GALNT14: variants seen among roughly 807,000 people sequenced by gnomAD.
The protein encoded by GALNT14 is UDP-GalNAc:polypeptide N-acetylgalactosaminyltransferase 14.
In GALNT14, 60 loss-of-function variants were observed where a neutral mutation model predicts 77.5. The ratio of observed to expected loss-of-function variants is 0.77; its 90% CI spans 0.63 to 0.96. GALNT14 has a LOEUF of 0.96. Ranked by LOEUF, GALNT14 falls within the 40% of genes least tolerant of loss-of-function variation. The pLI is 0.00. For synonymous variants in GALNT14, 280 were observed against 281.7 expected (o/e 0.99, Z 0.06); for missense variants, 710 against 731.0 (o/e 0.97, Z 0.33).
chr2:30,911,199 A>G, intron 14 of GALNT14, 140 bp from the exon 15 acceptor site: 1 of 679,678 alleles, frequency 1.5e-6, no homozygotes, highest in South Asian at 2.2e-5. Flanking sequence ...CTAAAACTGC[A>G]ACTAATTGCT....
intron 1 of GALNT14, among the ~76,000 whole-genome samples, chr2:31,045,531 C>T (rs192312550): frequency 8.1e-4 from 124 of 152,296 alleles, no homozygotes; most frequent in Non-Finnish European, 1.5e-3. Context: ...GGCGCAACCT[C>T]GGCTCACTGC....
At chr2:31,111,389 T>A (rs1268102261) in intron 1 of GALNT14, among the ~76,000 whole-genome samples, 1 of 152,238 alleles carries the variant, frequency 6.6e-6, no homozygotes, top group Non-Finnish European at 1.5e-5. Context: ...ACACAGCAGA[T>A]GTTTGCTAAA....
At chr2:30,903,200 AATG>A in the GALNT14 span, among the ~76,000 whole-genome samples, 3 of 152,220 alleles carry the variant, frequency 2.0e-5, no homozygotes. Flanking sequence ...TGGATTTTAT[AATG>A]ATGACCTTGA....
chr2:30,924,247 A>G lies in GALNT14; in HGVS notation c.1252T>C (p.Ser418Pro). The G allele has an allele frequency of 1.2e-6, 2 of 1,614,160 alleles. No homozygotes were observed. The change falls in exon 13 of 15, where the codon TCC (serine) becomes CCC (proline). Residue 418 changes from serine (S) to proline (P), a missense_variant. By Grantham distance (74) the Ser-to-Pro change is moderately conservative. Transcript: ENST00000349752. Reference protein sequence around the residue: ...YPELSIPKESSIQKGNIRQRQ... With the variant: ...YPELSIPKESPIQKGNIRQRQ... ...TGTCGGATATTGCCCTTCTGGATGG[A>G]GGACTCCTTGGGGATGCTGGAGGAG...
intron 1 of GALNT14, among the ~76,000 whole-genome samples, chr2:31,076,335 T>G (rs997470760): frequency 3.3e-5 from 5 of 152,150 alleles, no homozygotes; most frequent in Non-Finnish European, 5.9e-5. Flanking sequence ...CAAGAGGACG[T>G]AGCTCCTAAG....
At chr2:31,093,599 G>A (rs747486997) in intron 1 of GALNT14, among the ~76,000 whole-genome samples, 14 of 152,286 alleles carry the variant, frequency 9.2e-5, no homozygotes, top group Admixed American at 5.2e-4. Flanking sequence ...TGCACACATC[G>A]CACTTGCTTC....
intron 1 of GALNT14, among the ~76,000 whole-genome samples, chr2:30,993,293 T>C (rs1260249351): frequency 6.6e-6 from 1 of 152,184 alleles, no homozygotes; most frequent in Non-Finnish European, 1.5e-5. Flanking sequence ...ATGAGAGGGA[T>C]GCTGTGCATA....
chr2:30,938,108 C>T (rs1324277004), intron 9 of GALNT14, among the ~76,000 whole-genome samples: 1 of 149,166 alleles, frequency 6.7e-6, no homozygotes, highest in African/African-American at 2.5e-5. Flanking sequence ...TCCCTGACTA[C>T]ATTCTGGGAC....
At chr2:30,889,065 C>T in the GALNT14 span, among the ~76,000 whole-genome samples, 1 of 152,128 alleles carries the variant, frequency 6.6e-6, no homozygotes, top group African/African-American at 2.4e-5. Flanking sequence ...GGACTCCTCC[C>T]TGTCACCACC....
intron 1 of GALNT14, among the ~76,000 whole-genome samples, chr2:31,118,230 GTTAT>G (rs917659011): frequency 3.3e-5 from 5 of 152,270 alleles, no homozygotes; most frequent in Admixed American, 1.3e-4. Context: ...ATCGGCGAAA[GTTAT>G]TTAAACTATT....
intron 2 of GALNT14, among the ~76,000 whole-genome samples, chr2:30,975,362 G>C (rs1000218199): frequency 3.3e-5 from 5 of 152,256 alleles, no homozygotes; most frequent in Non-Finnish European, 2.9e-5. Flanking sequence ...CATGCATTAT[G>C]CAGTAGGGCA....
intron 11 of GALNT14, among the ~76,000 whole-genome samples, chr2:30,925,165 TGGGC>T (rs1665294116): frequency 1.3e-5 from 2 of 152,346 alleles, no homozygotes; most frequent in South Asian, 4.1e-4. Flanking sequence ...GCTGGGGCTC[TGGGC>T]CTGCTTATTC....
At chr2:31,106,953 A>G (rs1161060660) in intron 1 of GALNT14, among the ~76,000 whole-genome samples, 2 of 152,226 alleles carry the variant, frequency 1.3e-5, no homozygotes, top group Admixed American at 1.3e-4. Context: ...GCTAATGACT[A>G]GAAAGAGGCA....
intron 9 of GALNT14, among the ~76,000 whole-genome samples, chr2:30,939,463 C>A (rs967275746): frequency 2.6e-5 from 4 of 152,084 alleles, no homozygotes; most frequent in African/African-American, 9.7e-5. Context: ...GAGGCAGGAG[C>A]AGGCTGATGA....
the GALNT14 span, among the ~76,000 whole-genome samples, chr2:30,901,610 A>G: frequency 2.0e-5 from 3 of 151,866 alleles, no homozygotes; most frequent in Non-Finnish European, 2.9e-5. Flanking sequence ...GTGTGTATAT[A>G]TATAAATTCC....
chr2:30,931,417 C>T (rs750511521), intron 10 of GALNT14, among the ~76,000 whole-genome samples: 7 of 152,004 alleles, frequency 4.6e-5, no homozygotes, highest in Non-Finnish European at 8.8e-5. Flanking sequence ...AGAGAAAGAT[C>T]GAAAGAGGAG....
chr2:31,097,557 A>G (rs1169769046), intron 1 of GALNT14, among the ~76,000 whole-genome samples: 1 of 151,936 alleles, frequency 6.6e-6, no homozygotes, highest in Non-Finnish European at 1.5e-5. Flanking sequence ...AATACTTTTG[A>G]GAGTGTTATG....
Position 30,947,656 on chromosome 2 carries a change from C to T in GALNT14, c.655-1786G>A, listed in dbSNP as rs183033076. 5.3e-5 allele frequency among the ~76,000 whole-genome samples: 8 copies of T among 152,312 alleles called. No homozygotes were observed. The East Asian group carries it at 1.5e-3, about 29-fold the overall frequency. Reference sequence around the variant, plus strand: ...TGGGAACCAGGCAGGACTGCTTTTCCAATCCTCTGCACCAACCACCCTTTG... The same window carrying T: ...TGGGAACCAGGCAGGACTGCTTTTCTAATCCTCTGCACCAACCACCCTTTG... On this transcript the variant is annotated intron_variant, in intron 6 of 14. Transcript: ENST00000349752.
At chr2:30,887,690 C>T in the GALNT14 span, among the ~76,000 whole-genome samples, 8 of 152,154 alleles carry the variant, frequency 5.3e-5, no homozygotes, top group Admixed American at 1.3e-4. Context: ...TACCTTTTGA[C>T]GCACATAAGT....
Sources: allele counts gnomAD v4.1 joint callset (sites outside exome capture counted in the v4.1 genomes callset), GRCh38; gene constraint gnomAD v4.1.1; transcripts MANE v1.5; gene names NCBI Gene and HGNC (gene_info 2026-07-23, HGNC 2026-07-21).